Variants in TNRC6B observed in about 807,000 individuals in gnomAD.
TNRC6B encodes the protein trinucleotide repeat containing adaptor 6B, also known as trinucleotide repeat-containing gene 6B protein.
TNRC6B carries 52 observed loss-of-function variants against 203.6 expected under a neutral mutation model. The observed-to-expected ratio is 0.26, with a 90% CI of 0.20 to 0.32. The LOEUF (loss-of-function observed/expected upper bound fraction) is 0.32. Ranked by LOEUF, TNRC6B falls within the 10% of genes least tolerant of loss-of-function variation. The pLI is 1.00. For synonymous variants in TNRC6B, 838 were observed against 845.7 expected, an observed-to-expected ratio of 0.99 and a Z score of 0.16; for missense variants, 1,923 against 2,286.2, an observed-to-expected ratio of 0.84 and a Z score of 3.24.
rs1277588845 is a variant in TNRC6B at position 40,208,120 on chromosome 22, A to AC, written c.5+29980_5+29981insC. Among the ~76,000 whole-genome samples, 42 of 149,074 alleles carry AC rather than the reference A, an allele frequency of 2.8e-4. 1 individual carries two copies. Among genetic ancestry groups the AC allele is most frequent in the African/African-American group, 9.5e-4 (39 of 40,986 alleles). On this transcript the variant is annotated intron_variant, in intron 1 of 22. Coordinates refer to ENST00000454349, the MANE Select transcript of TNRC6B (RefSeq NM_001162501.2). ...GAGTGGGACTCCATCTCAAAAAAAA[A>AC]AAAAAAAAAAAACAAAAAAACAAGA...
At position 40,322,980 on chromosome 22, in the gene TNRC6B, G is replaced by T. The variant is rs756882668; in HGVS notation, c.5241G>T (p.Gln1747His). The T allele has an allele frequency of 3.7e-6, 6 of 1,611,710 alleles. No individual in the cohort carries two copies. The East Asian group carries it at 8.9e-5, about 24-fold the overall frequency. ...CAAGTGCGCCAGCTGCGGGGTGGCAGTCGCTGGAGACCGGCCAGAACCAGT... is the reference window on the plus strand; with the variant it reads ...CAAGTGCGCCAGCTGCGGGGTGGCATTCGCTGGAGACCGGCCAGAACCAGT... ...ATPSAPAAGW[Q>H]SLETGQNQSD... Residue 1747 changes from glutamine (Q) to histidine (H), a missense_variant, in exon 23 of 23, where the codon CAG becomes CAT. This residue lies in a region of TNRC6B where 126 missense variants were observed against 137.5 expected (regional missense o/e 0.92). Transcript: ENST00000454349.
At chr22:40,218,305 T>C (rs2069662240) in intron 1 of TNRC6B, among the ~76,000 whole-genome samples, 1 of 146,726 alleles carries the variant, frequency 6.8e-6, no homozygotes, top group Non-Finnish European at 1.5e-5. Context: ...GAGATGATTT[T>C]TTTTTTCTTT....
intron 18 of TNRC6B, 50 bp downstream of exon 18, chr22:40,312,701 G>A: frequency 6.4e-7 from 1 of 1,572,210 alleles, no homozygotes; most frequent in South Asian, 1.2e-5. Context: ...CATTTTCATA[G>A]TTGTCAGTTT....
At chr22:40,124,391 C>A (rs1421665465) in intron 2 of TNRC6B, among the ~76,000 whole-genome samples, 2 of 149,140 alleles carry the variant, frequency 1.3e-5, no homozygotes, top group Non-Finnish European at 3.0e-5. Context: ...GGTGTGATCA[C>A]AGCTCACTGC....
chr22:40,271,325 A>G (rs1249519268), intron 6 of TNRC6B, among the ~76,000 whole-genome samples: 1 of 152,248 alleles, frequency 6.6e-6, no homozygotes, highest in Non-Finnish European at 1.5e-5. Context: ...TGATTAAATA[A>G]TGAACATTTC....
intron 2 of TNRC6B, among the ~76,000 whole-genome samples, chr22:40,118,792 T>C (rs2068415394): frequency 6.6e-6 from 1 of 152,126 alleles, no homozygotes; most frequent in Admixed American, 6.5e-5. Context: ...GATCCCATAA[T>C]AGAATTCAAA....
intron 1 of TNRC6B, among the ~76,000 whole-genome samples, chr22:40,049,228 G>A (rs7290165): frequency 0.046 from 7,039 of 151,928 alleles, 501 homozygotes; most frequent in African/African-American, 0.15. Flanking sequence ...TCGAACTCCC[G>A]ACCTTAGGGA....
At position 40,329,284 on chromosome 22, in the gene TNRC6B, A is replaced by C. The variant is rs149796479; in HGVS notation, c.*6043A>C. 6.6e-6 allele frequency: 1 copy of C among 152,334 alleles called. No individual in the cohort carries two copies. The highest frequency in any genetic ancestry group is 6.5e-5 in the Admixed American group (1 of 15,302). The allele number at this position is 152,334 out of a possible 1,614,324, so 9.4% of individuals were successfully genotyped here. A position where few individuals can be genotyped will look rare whatever the true frequency, so the allele number is the denominator to read the frequency against. ...GAAACACACAGATACACATAATGCT[A>C]TTGAGGACATTGTCATTCTGTAAGA... is the stretch of plus-strand genomic sequence containing the variant. On this transcript the variant is annotated 3_prime_UTR_variant, in exon 23 of 23. Coordinates refer to ENST00000454349, the MANE Select transcript of TNRC6B (RefSeq NM_001162501.2).
chr22:40,202,046 A>G (rs547539845), intron 1 of TNRC6B, among the ~76,000 whole-genome samples: 26 of 152,254 alleles, frequency 1.7e-4, no homozygotes, highest in African/African-American at 5.3e-4. Context: ...TCACTAGGAA[A>G]TACTTTTGTC....
chr22:40,121,605 T>G (rs1330826525), intron 2 of TNRC6B, among the ~76,000 whole-genome samples: 2 of 152,246 alleles, frequency 1.3e-5, no homozygotes, highest in Non-Finnish European at 1.5e-5. Context: ...CCAGCACAGC[T>G]GGCATTTGCT....
rs375269475 is a variant in TNRC6B, at chr22:40,245,375, G to A, written c.6-640G>A. On this transcript the variant is annotated intron_variant, in intron 1 of 22. Coordinates refer to ENST00000454349, the MANE Select transcript of TNRC6B (RefSeq NM_001162501.2). ...CAGAGTGCTGGGATTACAGGCGTAA[G>A]CTACCACGCCTATCCTGGAATACAT... Among the ~76,000 whole-genome samples, 16 of 152,196 alleles carry A rather than the reference G, an allele frequency of 1.1e-4. No homozygotes were observed. The East Asian group carries it at 2.3e-3, about 22-fold the overall frequency.
intron 1 of TNRC6B, among the ~76,000 whole-genome samples, chr22:40,073,599 T>C (rs1401480450): frequency 6.6e-6 from 1 of 152,048 alleles, no homozygotes; most frequent in Non-Finnish European, 1.5e-5. Context: ...AAAATCAACT[T>C]AGTAGAAATA....
chr22:40,156,702 A>T (rs1421978824), intron 4 of TNRC6B, among the ~76,000 whole-genome samples: 1 of 151,684 alleles, frequency 6.6e-6, no homozygotes, highest in Admixed American at 6.6e-5. Context: ...CAACATTCCA[A>T]ATAATTCAGG....
intron 1 of TNRC6B, among the ~76,000 whole-genome samples, chr22:40,083,326 AATT>A (rs571782106): frequency 3.5e-4 from 54 of 152,276 alleles, no homozygotes; most frequent in African/African-American, 1.2e-3. Flanking sequence ...AAGAGGGAAT[AATT>A]AACTGAATTG....
At chr22:40,193,282 C>T (rs1368956974) in intron 1 of TNRC6B, among the ~76,000 whole-genome samples, 4 of 152,204 alleles carry the variant, frequency 2.6e-5, no homozygotes, top group Non-Finnish European at 5.9e-5. Flanking sequence ...CACCCCAGGA[C>T]TTGCACAGCT....
chr22:40,245,045 A>G (rs2070086415), intron 1 of TNRC6B, among the ~76,000 whole-genome samples: 1 of 152,088 alleles, frequency 6.6e-6, no homozygotes, highest in South Asian at 2.1e-4. Flanking sequence ...ACGGGAAGAT[A>G]CAGTAGTGAA....
chr22:40,133,821 T>C (rs1209514061), intron 3 of TNRC6B, among the ~76,000 whole-genome samples: 1 of 151,470 alleles, frequency 6.6e-6, no homozygotes, highest in Non-Finnish European at 1.5e-5. Context: ...ATACAAAAAA[T>C]TAGCCAGGCA....
At chr22:40,320,660 T>C (rs909408019) in intron 21 of TNRC6B, among the ~76,000 whole-genome samples, 5 of 152,132 alleles carry the variant, frequency 3.3e-5, no homozygotes, top group African/African-American at 1.2e-4. Flanking sequence ...GCACAGGACA[T>C]AGAGAAGTAG....
At chr22:40,132,969 A>ATATATATATATATATATATAT (rs1555884686) in intron 3 of TNRC6B, among the ~76,000 whole-genome samples, 6 of 78,144 alleles carry the variant, frequency 7.7e-5, no homozygotes, top group African/African-American at 1.2e-4. Context: ...AAAAAAAAAA[A>ATATATATATATATATATATAT]ATATATATAT....
Sources: gnomAD v4.1 joint callset for allele counts (sites outside exome capture counted in the v4.1 genomes callset) on GRCh38, gnomAD v4.1.1 for gene constraint, gnomAD v4.1.1 regional missense constraint, MANE v1.5 for transcripts, NCBI Gene and HGNC (gene_info 2026-07-23, HGNC 2026-07-21) for gene names.